DNAH9: variants seen among roughly 807,000 people sequenced by gnomAD.
DNAH9 encodes the protein DNAH9 variant protein.
A neutral mutation model predicts 471.6 loss-of-function variants in DNAH9; 345 were observed. That is an observed-to-expected ratio of 0.73 (90% CI 0.67 to 0.80). The LOEUF (loss-of-function observed/expected upper bound fraction) is 0.80, where lower values mean the gene tolerates loss of function less well. DNAH9 is among the 30% of genes least tolerant of loss of function. The pLI is 0.00. For missense variants in DNAH9, 5,407 were observed against 5,609.2 expected (o/e 0.96, Z 1.15); for synonymous variants, 2,093 against 2,123.6 (o/e 0.99, Z 0.40).
At chr17:11,764,470 T>G (rs537610606) in intron 36 of DNAH9, among the ~76,000 whole-genome samples, 1 of 152,324 alleles carries the variant, frequency 6.6e-6, no homozygotes, top group African/African-American at 2.4e-5. Context: ...TTATTCATCT[T>G]GAACTTAATC....
At chr17:11,686,384 A>G (rs2074242230) in intron 19 of DNAH9, among the ~76,000 whole-genome samples, 1 of 152,094 alleles carries the variant, frequency 6.6e-6, no homozygotes, top group Non-Finnish European at 1.5e-5. Context: ...TTGCCTTATT[A>G]TTTCAACTTC....
At chr17:11,696,850 A>G (rs1408885906) in intron 22 of DNAH9, among the ~76,000 whole-genome samples, 2 of 151,922 alleles carry the variant, frequency 1.3e-5, no homozygotes, top group East Asian at 3.9e-4. Context: ...AGATTTTTTT[A>G]TATCTCATTC....
intron 38 of DNAH9, among the ~76,000 whole-genome samples, chr17:11,780,270 A>C (rs1968619161): frequency 6.6e-6 from 1 of 152,236 alleles, no homozygotes. Context: ...GGCACCGTTC[A>C]TGACACTGGA....
chr17:11,606,446 TTCTTTTC>T (rs2072507213), intron 1 of DNAH9, among the ~76,000 whole-genome samples: 1 of 95,904 alleles, frequency 1.0e-5, no homozygotes, highest in African/African-American at 4.6e-5. Context: ...TTCTTTTCTT[TTCTTTTC>T]TTTTTTTTTT....
chr17:11,940,465 G>A (rs12938601), intron 66 of DNAH9, among the ~76,000 whole-genome samples: 41,032 of 151,884 alleles, frequency 0.27, 5,897 homozygotes, highest in Middle Eastern at 0.35. Context: ...CTGCTCCAGA[G>A]AAAAATATAT....
Position 11,785,641 on chromosome 17 carries a change from C to T in DNAH9, c.8061+1102C>T, listed in dbSNP as rs528698567. On this transcript the variant is annotated intron_variant, in intron 41 of 68. Coordinates refer to ENST00000262442, the MANE Select transcript of DNAH9 (RefSeq NM_001372.4). Reference sequence around the variant, plus strand: ...AATGATAAGTCTCTGAGAACACATCCAGGCTAGTTCAGGATACCACTCCTG... The same window carrying T: ...AATGATAAGTCTCTGAGAACACATCTAGGCTAGTTCAGGATACCACTCCTG... 9.2e-5 allele frequency among the ~76,000 whole-genome samples: 14 copies of T among 152,292 alleles called. No individual in the cohort carries two copies. In the Middle Eastern group the frequency reaches 0.01, roughly 111 times the overall value.
At chr17:11,921,555 A>G (rs180799764) in intron 61 of DNAH9, among the ~76,000 whole-genome samples, 1 of 152,304 alleles carries the variant, frequency 6.6e-6, no homozygotes, top group Admixed American at 6.5e-5. Context: ...GCATACAACA[A>G]TCTGAAGGTG....
rs1971545264 is a variant in DNAH9 at position 11,854,368 on chromosome 17, A to G, written c.9873A>G (p.Lys3291=). ...DVEPKRQALN[K]ATADLTAAQE... ...AACCCAAGCGCCAGGCACTGAACAA[A>G]GCCACCGCGGACCTCACAGCTGCCC... Residue 3291 remains lysine, a synonymous_variant, in exon 50 of 69, where the codon AAA becomes AAG. Transcript: ENST00000262442. 10 of 1,613,946 alleles carry G rather than the reference A, an allele frequency of 6.2e-6. No homozygotes were observed. The highest frequency in any genetic ancestry group is 8.5e-6 in the Non-Finnish European group (10 of 1,180,034).
intron 6 of DNAH9, among the ~76,000 whole-genome samples, chr17:11,627,415 G>T (rs192552221): frequency 7.8e-4 from 118 of 152,214 alleles, no homozygotes; most frequent in African/African-American, 2.7e-3. Context: ...TTTTAAAATG[G>T]TACGAAGTAT....
chr17:11,786,221 G>A (rs1405753586), intron 41 of DNAH9, among the ~76,000 whole-genome samples: 4 of 152,166 alleles, frequency 2.6e-5, no homozygotes, highest in Non-Finnish European at 5.9e-5. Flanking sequence ...CAGTGGTCTT[G>A]TCCCCTGTAC....
chr17:11,764,964 G>A (rs1967870305), intron 36 of DNAH9, among the ~76,000 whole-genome samples: 1 of 152,120 alleles, frequency 6.6e-6, no homozygotes, highest in Admixed American at 6.5e-5. Context: ...AAAAATAGCT[G>A]AGAAAAGCAA....
intron 22 of DNAH9, among the ~76,000 whole-genome samples, chr17:11,698,176 A>AT (rs2074513089): frequency 1.9e-5 from 2 of 102,778 alleles, no homozygotes; most frequent in South Asian, 2.9e-4. Flanking sequence ...TTATATTAAT[A>AT]TATTATTATA....
intron 17 of DNAH9, among the ~76,000 whole-genome samples, chr17:11,672,822 T>C (rs1051900967): frequency 6.6e-6 from 1 of 152,198 alleles, no homozygotes; most frequent in Non-Finnish European, 1.5e-5. Flanking sequence ...GTAATTGCTC[T>C]GCCTTCAGAA....
chr17:11,789,781 CATTA>C (rs1294360883), intron 41 of DNAH9, among the ~76,000 whole-genome samples: 1 of 151,992 alleles, frequency 6.6e-6, no homozygotes, highest in East Asian at 1.9e-4. Context: ...CTACTTATAT[CATTA>C]ATTGTCATCC....
At chr17:11,848,614 G>A (rs937244231) in intron 49 of DNAH9, among the ~76,000 whole-genome samples, 19 of 152,068 alleles carry the variant, frequency 1.2e-4, no homozygotes, top group African/African-American at 4.3e-4. Context: ...TACTAAAAAT[G>A]TTTTTACCCT....
intron 1 of DNAH9, among the ~76,000 whole-genome samples, chr17:11,607,723 C>T (rs2079718): frequency 0.37 from 56,664 of 151,856 alleles, 11,776 homozygotes; most frequent in South Asian, 0.62. Flanking sequence ...GAACCCGCCA[C>T]CACACCCGGC....
chr17:11,721,264 T>G (rs926689239), intron 27 of DNAH9, among the ~76,000 whole-genome samples: 1 of 152,136 alleles, frequency 6.6e-6, no homozygotes, highest in African/African-American at 2.4e-5. Context: ...TTGTTTTTTT[T>G]GTTTGTTTTT....
chr17:11,893,262 A>G (rs1017813153), intron 58 of DNAH9, among the ~76,000 whole-genome samples: 5 of 150,214 alleles, frequency 3.3e-5, no homozygotes, highest in Admixed American at 1.3e-4. Flanking sequence ...TCTCCCCTGT[A>G]CACAGCTCAC....
At chr17:11,760,813 C>T (rs1464862275) in intron 35 of DNAH9, among the ~76,000 whole-genome samples, 1 of 152,174 alleles carries the variant, frequency 6.6e-6, no homozygotes, top group African/African-American at 2.4e-5. Context: ...CCGCCGCGCC[C>T]GGCGGATGTC....
Sources: allele counts gnomAD v4.1 joint callset (sites outside exome capture counted in the v4.1 genomes callset), GRCh38; gene constraint gnomAD v4.1.1; transcripts MANE v1.5; gene names NCBI Gene and HGNC (gene_info 2026-07-23, HGNC 2026-07-21).